Variants in EP400 observed in about 807,000 individuals in gnomAD.
The protein encoded by EP400 is E1A binding protein p400.
A neutral mutation model predicts 354.1 loss-of-function variants in EP400; 105 were observed. The ratio of observed to expected loss-of-function variants is 0.30; its 90% confidence interval spans 0.25 to 0.35. EP400 has a LOEUF of 0.35. EP400 is among the 10% of genes least tolerant of loss of function. The pLI is 1.00. For synonymous variants in EP400, 1,646 were observed against 1,716.9 expected, an observed-to-expected ratio of 0.96 and a Z score of 1.02; for missense variants, 3,280 against 4,121.0, an observed-to-expected ratio of 0.80 and a Z score of 5.59.
At chr12:131,972,563 T>G (rs1474954977) in intron 2 of EP400, among the ~76,000 whole-genome samples, 1 of 152,148 alleles carries the variant, frequency 6.6e-6, no homozygotes, top group Non-Finnish European at 1.5e-5. Flanking sequence ...TTCGAAAAGA[T>G]TTTTAGGTGA....
chr12:131,997,822 T>G (rs1893268605), intron 12 of EP400, among the ~76,000 whole-genome samples: 1 of 152,188 alleles, frequency 6.6e-6, no homozygotes, highest in East Asian at 1.9e-4. Flanking sequence ...CCAACCCAAG[T>G]TGTCCACCGA....
rs555719204 is a variant in EP400, at chr12:132,004,827, C to T, written c.2828-250C>T. 5.9e-5 allele frequency among the ~76,000 whole-genome samples: 9 copies of T among 152,318 alleles called. No homozygotes were observed. In the East Asian group the frequency reaches 1.7e-3, roughly 29 times the overall value. ...AAGTAATTTCTCATCATTCCCCTTGCATCCCCCAACAAAATATTTTACACC... is the reference window on the plus strand; with the variant it reads ...AAGTAATTTCTCATCATTCCCCTTGTATCCCCCAACAAAATATTTTACACC... On this transcript the variant is annotated intron_variant, in intron 12 of 52. Transcript: ENST00000389561.
intron 15 of EP400, 41 bp from the exon 16 acceptor site, chr12:132,011,457 C>T: frequency 6.2e-7 from 1 of 1,610,398 alleles, no homozygotes; most frequent in African/African-American, 1.3e-5. Context: ...CTGGACATGA[C>T]AGATACTTTG....
chr12:131,993,444 A>G (rs1893107944), intron 11 of EP400, among the ~76,000 whole-genome samples: 1 of 152,216 alleles, frequency 6.6e-6, no homozygotes, highest in South Asian at 2.1e-4. Context: ...TTACCTGGAA[A>G]GGATTAGGTC....
At position 132,066,834 on chromosome 12, in the gene EP400, C is replaced by G. The variant is rs1895908725; in HGVS notation, c.8614C>G (p.Pro2872Ala). 1 of 1,614,048 alleles carries G rather than the reference C, an allele frequency of 6.2e-7. No individual in the cohort carries two copies. Among genetic ancestry groups the G allele is most frequent in the Non-Finnish European group, 8.5e-7 (1 of 1,179,996 alleles). ...QGQMQTQAPQ[P>A]AQVALAKPPV... ...GCAGATGCAGACCCAGGCACCCCAG[C>G]CAGCCCAGGTGGCCTTGGCGAAGCC... is the stretch of plus-strand genomic sequence containing the variant. The change falls in exon 49 of 53, where the codon CCA (proline) becomes GCA (alanine). Residue 2872 changes from proline to alanine, a missense_variant. Pro to Ala is a conservative substitution (Grantham distance 27). Coordinates refer to ENST00000389561, the MANE Select transcript of EP400 (RefSeq NM_015409.5).
rs1345226401 is a variant in EP400 at position 132,052,207 on chromosome 12, G to A, written c.7395-939G>A. ...ATATTTTATTATACTGGAACAGCTCGTGTCCTTGGTCTCTTGCCTCGGCAC... is the reference window on the plus strand; with the variant it reads ...ATATTTTATTATACTGGAACAGCTCATGTCCTTGGTCTCTTGCCTCGGCAC... On this transcript the variant is annotated intron_variant, in intron 41 of 52. Transcript: ENST00000389561. This position sits in a 1 kb window ranked among gnomAD's most constrained non-coding sequence, Gnocchi z 4.4. Among the ~76,000 whole-genome samples the A allele has an allele frequency of 6.6e-6, 1 of 152,160 alleles. No individual in the cohort carries two copies. The highest frequency in any genetic ancestry group is 1.9e-4 in the East Asian group (1 of 5,200).
At chr12:132,076,247 G>T in intron 51 of EP400, 1 of 496,382 alleles carries the variant, frequency 2.0e-6, no homozygotes, top group Non-Finnish European at 3.8e-6. Context: ...TCGTTTTTGT[G>T]AAAAGAAAAA....
intron 2 of EP400, 59 bp downstream of exon 2, chr12:131,962,013 G>T (rs964283413): frequency 1.3e-6 from 2 of 1,512,374 alleles, no homozygotes; most frequent in African/African-American, 2.8e-5. Flanking sequence ...GAGTCTATGC[G>T]ACAATGAATT....
Position 131,986,728 on chromosome 12 carries a change from C to G in EP400, c.2144C>G (p.Thr715Ser). 1 of 1,614,214 alleles carries G rather than the reference C, an allele frequency of 6.2e-7. No homozygotes were observed. Among genetic ancestry groups the G allele is most frequent in the South Asian group, 1.1e-5 (1 of 91,090 alleles). ...RTPGVVASAP[T>S]KPQSPAQNAT... ...CCAGGGGTGGTGGCATCTGCCCCCA[C>G]CAAACCACAGAGTCCTGCTCAGAAT... Residue 715 changes from threonine (T) to serine (S), a missense_variant, in exon 6 of 53, where the codon ACC becomes AGC. Thr to Ser is a moderately conservative substitution (Grantham distance 58, BLOSUM62 1). Around this residue, in one of 20 missense-constraint regions of EP400, gnomAD observed 800 missense variants for 840.0 expected, o/e 0.95. Transcript: ENST00000389561.
chr12:132,008,919 C>CTTTTTT (rs774921042), intron 15 of EP400, among the ~76,000 whole-genome samples: 3 of 114,742 alleles, frequency 2.6e-5, no homozygotes, highest in African/African-American at 1.0e-4. Context: ...CGTGCCCAGC[C>CTTTTTT]TTTTTTTTTT....
chr12:132,036,465 A>T (rs1247726144), intron 30 of EP400, among the ~76,000 whole-genome samples: 2 of 152,226 alleles, frequency 1.3e-5, no homozygotes, highest in African/African-American at 4.8e-5. Flanking sequence ...TTCACACGGA[A>T]CGTCGTGGAA....
chr12:132,065,051 C>T, intron 48 of EP400, 165 bp downstream of exon 48: 3 of 1,273,514 alleles, frequency 2.4e-6, no homozygotes, highest in East Asian at 2.6e-5. Context: ...GGACTCACCA[C>T]TCGTGGAACA....
intron 15 of EP400, among the ~76,000 whole-genome samples, chr12:132,008,281 G>C (rs962259930): frequency 1.3e-5 from 2 of 152,164 alleles, no homozygotes; most frequent in African/African-American, 2.4e-5. Flanking sequence ...CTTCTAAGCT[G>C]TTTGCATAGT....
intron 2 of EP400, 124 bp downstream of exon 2, chr12:131,962,078 G>A (rs1316462086): frequency 1.7e-5 from 22 of 1,274,472 alleles, no homozygotes; most frequent in African/African-American, 4.5e-5. Flanking sequence ...AGGTGTTGGG[G>A]CAAGGATTTG....
intron 1 of EP400, among the ~76,000 whole-genome samples, chr12:131,952,646 C>T (rs1891552545): frequency 6.6e-6 from 1 of 152,118 alleles, no homozygotes; most frequent in African/African-American, 2.4e-5. Flanking sequence ...GAGACACTAT[C>T]TCACTGTGTT....
chr12:131,982,417 T>C lies in EP400; in HGVS notation c.1868T>C (p.Leu623Pro). 6.2e-7 allele frequency: 1 copy of C among 1,614,088 alleles called. No individual in the cohort carries two copies. ...IPPSQPAQLA[L>P]HVPTPGKVQV... is the part of the protein sequence containing the mutation. ...CCCTCGCAGCCTGCACAGCTGGCCC[T>C]CCACGTTCCCACACCTGGAAAGGTG... Residue 623 changes from leucine (L) to proline (P), a missense_variant, in exon 5 of 53, where the codon CTC becomes CCC. Leu to Pro is a moderately conservative substitution (Grantham distance 98). Transcript: ENST00000389561.
intron 1 of EP400, among the ~76,000 whole-genome samples, chr12:131,952,228 G>A (rs1363001308): frequency 6.7e-6 from 1 of 149,652 alleles, no homozygotes; most frequent in Admixed American, 6.6e-5. Context: ...GGGTGAACCT[G>A]GGAGGCGGAG....
chr12:132,020,614 A>C (rs929284363), intron 22 of EP400, among the ~76,000 whole-genome samples: 4 of 152,232 alleles, frequency 2.6e-5, no homozygotes, highest in African/African-American at 9.6e-5. Context: ...AAAGGCCATC[A>C]AAAGAGTTAA....
intron 11 of EP400, among the ~76,000 whole-genome samples, chr12:131,992,788 A>C (rs768033447): frequency 2.6e-5 from 4 of 152,108 alleles, no homozygotes; most frequent in Non-Finnish European, 4.4e-5. Context: ...GGTTGGAGAA[A>C]CTTTCTTGGG....
Sources: allele counts gnomAD v4.1 joint callset (sites outside exome capture counted in the v4.1 genomes callset), GRCh38; gene constraint gnomAD v4.1.1; regional missense constraint gnomAD v4.1.1; non-coding constraint Gnocchi (gnomAD v3.1); transcripts MANE v1.5; gene names NCBI Gene and HGNC (gene_info 2026-07-23, HGNC 2026-07-21).